Variants in PIEZO2 observed in about 807,000 individuals in gnomAD.
PIEZO2 encodes the protein piezo type mechanosensitive ion channel component 2, also known as piezo-type mechanosensitive ion channel component 2.
Under a neutral mutation model 337.3 loss-of-function variants are expected in PIEZO2, and 172 were observed. The observed-to-expected ratio is 0.51, with a 90% CI of 0.45 to 0.58. The LOEUF (loss-of-function observed/expected upper bound fraction) is 0.58, where lower values mean the gene tolerates loss of function less well. Ranked by LOEUF, PIEZO2 falls within the 20% of genes least tolerant of loss-of-function variation. The pLI is 0.00. For synonymous variants in PIEZO2, 1,251 were observed against 1,228.5 expected (o/e 1.02, Z -0.38); for missense variants, 3,028 against 3,391.3 (o/e 0.89, Z 2.66).
rs996105966 is a variant in PIEZO2 at position 11,032,456 on chromosome 18, G to A, written c.160+33671C>T. ...TTCAGCTCTTGCTCTATTAGAATAC[G>A]GAGCTATTCTTGGCATGCTCTCGAG... On this transcript the variant is annotated intron_variant, in intron 2 of 55. Coordinates refer to ENST00000674853, the MANE Select transcript of PIEZO2 (RefSeq NM_001378183.1). The surrounding 1 kb of genome is among the most constrained non-coding windows in gnomAD (Gnocchi z 4.9). 6.6e-6 allele frequency among the ~76,000 whole-genome samples: 1 copy of A among 152,156 alleles called. No individual in the cohort carries two copies. The highest frequency in any genetic ancestry group is 2.4e-5 in the African/African-American group (1 of 41,438).
At position 11,031,166 on chromosome 18, in the gene PIEZO2, A is replaced by ATTTC. The variant is rs1568312130; in HGVS notation, c.160+34960_160+34961insGAAA. Among the ~76,000 whole-genome samples, 1 of 140,286 alleles carries ATTTC rather than the reference A, an allele frequency of 7.1e-6. No individual in the cohort carries two copies. The highest frequency in any genetic ancestry group is 2.6e-5 in the African/African-American group (1 of 38,256). 92.0% of individuals were successfully genotyped at this position (140,286 alleles called of 152,430 possible). A position where few individuals can be genotyped will look rare whatever the true frequency, so the allele number is the denominator to read the frequency against. On this transcript the variant is annotated intron_variant, in intron 2 of 55. Coordinates refer to ENST00000674853, the MANE Select transcript of PIEZO2 (RefSeq NM_001378183.1). The surrounding 1 kb of genome is among the most constrained non-coding windows in gnomAD (Gnocchi z 4.7). ...CACCATGCCTGGCTAATTTTTTTGT[A>ATTTC]TTTTTTTTTTTTTTAGTGGAGATGG...
chr18:11,059,685 T>A (rs1343071337), intron 2 of PIEZO2, among the ~76,000 whole-genome samples: 1 of 152,124 alleles, frequency 6.6e-6, no homozygotes, highest in Non-Finnish European at 1.5e-5. Context: ...GGTAAAGGGA[T>A]CAATTCAACA....
intron 1 of PIEZO2, among the ~76,000 whole-genome samples, chr18:11,085,371 G>C (rs1346894883): frequency 6.6e-6 from 1 of 151,986 alleles, no homozygotes; most frequent in Admixed American, 6.6e-5. Context: ...TCACCTGCTT[G>C]CCCTTCCTAA....
At chr18:11,053,548 C>T (rs569133199) in intron 2 of PIEZO2, among the ~76,000 whole-genome samples, 1 of 152,340 alleles carries the variant, frequency 6.6e-6, no homozygotes, top group African/African-American at 2.4e-5. Context: ...TCCCAAGCAG[C>T]TGGGGCTACA....
intron 47 of PIEZO2, 43 bp downstream of exon 47, chr18:10,696,031 T>C: frequency 6.4e-7 from 1 of 1,551,438 alleles, no homozygotes; most frequent in Non-Finnish European, 8.9e-7. Context: ...GAAACACAGT[T>C]GCATGGAGGC....
rs1032192198 is a variant in PIEZO2, at chr18:10,784,279, G to A, written c.2492+505C>T. ...TGCTAAAAGAAGATATTGTCATCATGTTGTCCTCTTAAATATGATTGTAGT... is the reference window on the plus strand; with the variant it reads ...TGCTAAAAGAAGATATTGTCATCATATTGTCCTCTTAAATATGATTGTAGT... On this transcript the variant is annotated intron_variant, in intron 17 of 55. Transcript: ENST00000674853. This position sits in a 1 kb window ranked among gnomAD's most constrained non-coding sequence, Gnocchi z 4.5. Among the ~76,000 whole-genome samples the A allele has an allele frequency of 1.8e-4, 27 of 152,208 alleles. No homozygotes were observed. Among genetic ancestry groups the A allele is most frequent in the Non-Finnish European group, 1.2e-4 (8 of 68,034 alleles).
Position 11,028,273 on chromosome 18 carries a change from T to A in PIEZO2, c.160+37854A>T, listed in dbSNP as rs974379221. 6.6e-6 allele frequency among the ~76,000 whole-genome samples: 1 copy of A among 151,822 alleles called. No homozygotes were observed. The highest frequency in any genetic ancestry group is 2.4e-5 in the African/African-American group (1 of 41,162). On this transcript the variant is annotated intron_variant, in intron 2 of 55. Coordinates refer to ENST00000674853, the MANE Select transcript of PIEZO2 (RefSeq NM_001378183.1). This position sits in a 1 kb window ranked among gnomAD's most constrained non-coding sequence, Gnocchi z 4.8. Reference sequence around the variant, plus strand: ...TTCTTTATTTTTTATTATTTTTTTTTATTTTTTGAGACAGAGTCACTTTGT... The same window carrying A: ...TTCTTTATTTTTTATTATTTTTTTTAATTTTTTGAGACAGAGTCACTTTGT...
At chr18:10,745,593 C>T (rs562208331) in intron 30 of PIEZO2, among the ~76,000 whole-genome samples, 2 of 152,298 alleles carry the variant, frequency 1.3e-5, no homozygotes, top group African/African-American at 4.8e-5. Context: ...AAAGAATCTT[C>T]CTCAGGCTCC....
Position 10,833,053 on chromosome 18 carries a change from G to C in PIEZO2, c.917+22300C>G, listed in dbSNP as rs1378639306. Among the ~76,000 whole-genome samples, 1 of 152,186 alleles carries C rather than the reference G, an allele frequency of 6.6e-6. No individual in the cohort carries two copies. The highest frequency in any genetic ancestry group is 6.5e-5 in the Admixed American group (1 of 15,284). On this transcript the variant is annotated intron_variant, in intron 7 of 55. Transcript: ENST00000674853. This position sits in a 1 kb window ranked among gnomAD's most constrained non-coding sequence, Gnocchi z 4.7. ...GAGGGATGTGGAAGGTATTTCTCCA[G>C]AATATGCCTTGCTGGCAGCTCTTGG...
At chr18:10,844,546 T>C (rs1036352221) in intron 7 of PIEZO2, among the ~76,000 whole-genome samples, 1 of 151,724 alleles carries the variant, frequency 6.6e-6, no homozygotes, top group Non-Finnish European at 1.5e-5. Context: ...GCCAGCACTT[T>C]GGGAGGCCGA....
intron 1 of PIEZO2, among the ~76,000 whole-genome samples, chr18:11,090,121 A>T (rs1250783479): frequency 2.0e-5 from 3 of 152,180 alleles, no homozygotes; most frequent in Admixed American, 1.3e-4. Context: ...TGCTCAGCTC[A>T]GCGCAAGGTT....
chr18:10,788,996 A>T, intron 15 of PIEZO2, 83 bp downstream of exon 15: 1 of 1,370,302 alleles, frequency 7.3e-7, no homozygotes, highest in Non-Finnish European at 9.7e-7. Flanking sequence ...ATGAGATTCT[A>T]GTGATTTAAA....
intron 35 of PIEZO2, among the ~76,000 whole-genome samples, chr18:10,733,669 C>T (rs568852518): frequency 2.6e-5 from 4 of 152,120 alleles, no homozygotes; most frequent in South Asian, 4.1e-4. Flanking sequence ...AGGATGGTCT[C>T]GATCTCCTGA....
chr18:10,812,059 T>A (rs180764076), intron 7 of PIEZO2, among the ~76,000 whole-genome samples: 160 of 152,334 alleles, frequency 1.1e-3, no homozygotes, highest in Non-Finnish European at 1.9e-3. Context: ...GGTCTCGATC[T>A]CCTGACCTCG....
At chr18:10,772,040 C>A (rs2038620615) in intron 20 of PIEZO2, among the ~76,000 whole-genome samples, 1 of 152,138 alleles carries the variant, frequency 6.6e-6, no homozygotes, top group Non-Finnish European at 1.5e-5. Context: ...GAATGGTTAA[C>A]AATTCTCAAT....
In PIEZO2 at chr18:10,682,153, A is replaced by C; in HGVS notation, c.7637T>G (p.Ile2546Ser). The change falls in exon 50 of 56, where the codon ATC becomes AGC. Residue 2546 changes from isoleucine to serine, a missense_variant. Transcript: ENST00000674853. This position sits in a 1 kb window ranked among gnomAD's most constrained non-coding sequence, Gnocchi z 5.6. ...GACGGAGACGTCCAGGGGCTGGTTG[A>C]TGACCCCAGCCACAGATTTGATCAA... ...MSLIKSVAGV[I>S]NQPLDVSVTI... 1 of 1,537,172 alleles carries C rather than the reference A, an allele frequency of 6.5e-7. No homozygotes were observed. Among genetic ancestry groups the C allele is most frequent in the East Asian group, 2.4e-5 (1 of 40,914 alleles).
At chr18:11,065,377 G>T (rs571874617) in intron 2 of PIEZO2, among the ~76,000 whole-genome samples, 1 of 152,146 alleles carries the variant, frequency 6.6e-6, no homozygotes, top group Non-Finnish European at 1.5e-5. Context: ...TTCTCATAAC[G>T]GTAGAGTTTT....
intron 4 of PIEZO2, among the ~76,000 whole-genome samples, chr18:10,886,096 C>A (rs2042571133): frequency 6.6e-6 from 1 of 151,540 alleles, no homozygotes; most frequent in Non-Finnish European, 1.5e-5. Flanking sequence ...CACTAACACA[C>A]ACACACACAA....
chr18:10,943,209 G>A lies in PIEZO2; in HGVS notation c.287-31981C>T, dbSNP rs1196895310. Among the ~76,000 whole-genome samples, 1 of 152,182 alleles carries A rather than the reference G, an allele frequency of 6.6e-6. No individual in the cohort carries two copies. Among genetic ancestry groups the A allele is most frequent in the Non-Finnish European group, 1.5e-5 (1 of 68,034 alleles). ...TACTGGGGCACCACCTAGTGGAGCT[G>A]TGAGAAGAGGGCCACTGCCATCCTG... is the stretch of plus-strand genomic sequence containing the variant. On this transcript the variant is annotated intron_variant, in intron 3 of 55. Coordinates refer to ENST00000674853, the MANE Select transcript of PIEZO2 (RefSeq NM_001378183.1). The surrounding 1 kb of genome is among the most constrained non-coding windows in gnomAD (Gnocchi z 4.5).
Sources: allele counts gnomAD v4.1 joint callset (sites outside exome capture counted in the v4.1 genomes callset), GRCh38; gene constraint gnomAD v4.1.1; non-coding constraint Gnocchi (gnomAD v3.1); transcripts MANE v1.5; gene names NCBI Gene and HGNC (gene_info 2026-07-23, HGNC 2026-07-21).